SPOCK1: variants seen among roughly 807,000 people sequenced by gnomAD.
The protein encoded by SPOCK1 is testican-1.
SPOCK1 carries 23 observed loss-of-function variants against 55.3 expected under a neutral mutation model. The observed-to-expected ratio is 0.42, with a 90% confidence interval of 0.30 to 0.59. The LOEUF (loss-of-function observed/expected upper bound fraction) is 0.59, where lower values mean the gene tolerates loss of function less well. SPOCK1 is among the 20% of genes least tolerant of loss of function. The pLI is 0.22. For synonymous variants in SPOCK1, 226 were observed against 221.0 expected (o/e 1.02, Z -0.20); for missense variants, 499 against 552.5 (o/e 0.90, Z 0.97).
rs183988571 is a variant in SPOCK1 at position 137,497,037 on chromosome 5, T to C, written c.186+1336A>G. On this transcript the variant is annotated intron_variant, in intron 2 of 10. Transcript: ENST00000394945. ...ACCCCCACACAAAGCTATGAGTGCATCTCCTCTGGACAGGGATCTGGAGAG... is the reference window on the plus strand; with the variant it reads ...ACCCCCACACAAAGCTATGAGTGCACCTCCTCTGGACAGGGATCTGGAGAG... Among the ~76,000 whole-genome samples the C allele has an allele frequency of 2.2e-3, 330 of 152,204 alleles. 1 individual carries two copies. The highest frequency in any genetic ancestry group is 3.6e-3 in the Non-Finnish European group (248 of 68,008).
chr5:136,978,413 T>C lies in SPOCK1; in HGVS notation c.*241A>G. The C allele has an allele frequency of 2.5e-6, 1 of 405,082 alleles. No individual in the cohort carries two copies. The highest frequency in any genetic ancestry group is 4.3e-6 in the Non-Finnish European group (1 of 231,784). 25.1% of individuals were successfully genotyped at this position (405,082 alleles called of 1,614,324 possible). ...AGGAAGGAGGCTCTAATTAAGCCAATGACTTCCCTATCCAAAAAATAAACA... is the reference window on the plus strand; with the variant it reads ...AGGAAGGAGGCTCTAATTAAGCCAACGACTTCCCTATCCAAAAAATAAACA... On this transcript the variant is annotated 3_prime_UTR_variant, in exon 11 of 11. Coordinates refer to ENST00000394945, the MANE Select transcript of SPOCK1 (RefSeq NM_004598.4).
chr5:137,447,998 AG>A (rs2149833821), intron 2 of SPOCK1, among the ~76,000 whole-genome samples: 1 of 152,348 alleles, frequency 6.6e-6, no homozygotes, highest in East Asian at 1.9e-4. Context: ...CTGTAATCCC[AG>A]CACTTTGGGA....
At chr5:137,382,678 C>T (rs1561520920) in intron 2 of SPOCK1, among the ~76,000 whole-genome samples, 1 of 152,172 alleles carries the variant, frequency 6.6e-6, no homozygotes, top group Non-Finnish European at 1.5e-5. Flanking sequence ...CTTATGAGAA[C>T]TCATTCACTA....
intron 2 of SPOCK1, among the ~76,000 whole-genome samples, chr5:137,270,012 A>G (rs896660690): frequency 6.6e-6 from 1 of 152,248 alleles, no homozygotes; most frequent in African/African-American, 2.4e-5. Flanking sequence ...CTATGCTGTC[A>G]ATAATTCTAT....
chr5:137,330,371 TTTAGA>T (rs1758150583), intron 2 of SPOCK1, among the ~76,000 whole-genome samples: 1 of 152,164 alleles, frequency 6.6e-6, no homozygotes, highest in Admixed American at 6.5e-5. Flanking sequence ...ACACTACCTC[TTTAGA>T]TTAGGATAAG....
chr5:137,080,402 T>C (rs572959024), intron 5 of SPOCK1, among the ~76,000 whole-genome samples: 1 of 152,338 alleles, frequency 6.6e-6, no homozygotes, highest in South Asian at 2.1e-4. Context: ...GTGCTGACAA[T>C]GGTCTTCTCT....
At chr5:137,409,195 C>A (rs1037632998) in intron 2 of SPOCK1, among the ~76,000 whole-genome samples, 32 of 152,172 alleles carry the variant, frequency 2.1e-4, no homozygotes, top group African/African-American at 7.7e-4. Context: ...AGGGGGTTTT[C>A]CCTTTCTTTA....
chr5:137,470,941 C>T (rs188875125), intron 2 of SPOCK1, among the ~76,000 whole-genome samples: 109 of 152,308 alleles, frequency 7.2e-4, no homozygotes, highest in Non-Finnish European at 1.4e-3. Flanking sequence ...TGTCCAGGGC[C>T]TCAGTCTTCT....
chr5:136,987,721 C>G (rs73790637), intron 8 of SPOCK1, among the ~76,000 whole-genome samples: 2,424 of 151,850 alleles, frequency 0.016, 71 homozygotes, highest in African/African-American at 0.056. Flanking sequence ...CCAGCTATGC[C>G]TGTAGTTGTA....
chr5:137,013,998 G>C (rs1192239727), intron 6 of SPOCK1, among the ~76,000 whole-genome samples: 1 of 152,086 alleles, frequency 6.6e-6, no homozygotes, highest in Admixed American at 6.6e-5. Context: ...ATTTGTCCTT[G>C]CCCAAATCTA....
intron 3 of SPOCK1, among the ~76,000 whole-genome samples, chr5:137,146,079 G>A (rs1045200806): frequency 6.6e-6 from 1 of 152,182 alleles, no homozygotes; most frequent in African/African-American, 2.4e-5. Flanking sequence ...CGGGGGAGAG[G>A]GGCAGGAAGA....
chr5:137,080,137 T>C (rs1655528795), intron 5 of SPOCK1, among the ~76,000 whole-genome samples: 1 of 152,210 alleles, frequency 6.6e-6, no homozygotes. Flanking sequence ...GTTTTACCTA[T>C]ATTTTCTCCT....
intron 2 of SPOCK1, among the ~76,000 whole-genome samples, chr5:137,322,348 A>AACAC (rs35930755): frequency 1.7e-4 from 24 of 145,082 alleles, no homozygotes; most frequent in South Asian, 6.5e-4. Context: ...AAAAAAAAAA[A>AACAC]ACACACACAC....
Position 136,988,807 on chromosome 5 carries a change from GTGTTTTTTTGTTT to G in SPOCK1, c.707-177_707-165del, listed in dbSNP as rs1750894135. The stretch of plus-strand genomic sequence containing the variant: ...ATTTAGTGGTTCTCTAGAATATTTT[GTGTTTTTTTGTTT>G]TGTTTTTAAGTGAAATGGTTTAAAA... On this transcript the variant is annotated intron_variant, in intron 7 of 10. Coordinates refer to ENST00000394945, the MANE Select transcript of SPOCK1 (RefSeq NM_004598.4). 5.3e-6 allele frequency: 3 copies of G among 562,930 alleles called. No homozygotes were observed. The Admixed American group carries it at 1.0e-4, about 20-fold the overall frequency. 34.9% of individuals were successfully genotyped at this position (562,930 alleles called of 1,614,324 possible).
At chr5:137,175,812 A>C (rs1349475137) in intron 3 of SPOCK1, among the ~76,000 whole-genome samples, 1 of 152,060 alleles carries the variant, frequency 6.6e-6, no homozygotes, top group Non-Finnish European at 1.5e-5. Context: ...ACCAATCTCC[A>C]CCACCATCCA....
chr5:137,494,945 T>C (rs1754268450), intron 2 of SPOCK1, among the ~76,000 whole-genome samples: 1 of 152,248 alleles, frequency 6.6e-6, no homozygotes, highest in African/African-American at 2.4e-5. Flanking sequence ...AGGAGTTAAA[T>C]GCATGTCAGC....
chr5:137,381,077 CA>C (rs367712801), intron 2 of SPOCK1, among the ~76,000 whole-genome samples: 26 of 144,808 alleles, frequency 1.8e-4, no homozygotes, highest in Admixed American at 1.2e-3. Flanking sequence ...AGAAATTGGC[CA>C]AAAAAAAAAG....
intron 2 of SPOCK1, among the ~76,000 whole-genome samples, chr5:137,298,135 A>G (rs536142231): frequency 2.6e-5 from 4 of 152,274 alleles, no homozygotes; most frequent in African/African-American, 9.6e-5. Flanking sequence ...GATTACGTTT[A>G]AGGTACTTTT....
intron 3 of SPOCK1, among the ~76,000 whole-genome samples, chr5:137,193,357 G>T (rs1382266630): frequency 6.6e-6 from 1 of 152,156 alleles, no homozygotes; most frequent in African/African-American, 2.4e-5. Flanking sequence ...GACGTTAAGG[G>T]GAGGTAGAAA....
Sources: gnomAD v4.1 joint callset for allele counts (sites outside exome capture counted in the v4.1 genomes callset) on GRCh38, gnomAD v4.1.1 for gene constraint, MANE v1.5 for transcripts, NCBI Gene and HGNC (gene_info 2026-07-23, HGNC 2026-07-21) for gene names.